The following RFX7 variants were observed in gnomAD, a reference collection of about 807,000 sequenced individuals.
RFX7 encodes DNA-binding protein RFX7.
RFX7 carries 26 observed loss-of-function variants against 111.8 expected under a neutral mutation model. The ratio of observed to expected loss-of-function variants is 0.23; its 90% confidence interval spans 0.17 to 0.32. RFX7 has a LOEUF of 0.32. Ranked by LOEUF, RFX7 falls within the 10% of genes least tolerant of loss-of-function variation. The probability of loss-of-function intolerance (pLI) is 1.00; values close to 1 mark genes in which losing one functional copy is unlikely to be tolerated. For synonymous variants in RFX7, 624 were observed against 624.4 expected, an observed-to-expected ratio of 1.00 and a Z score of 0.01; for missense variants, 1,573 against 1,772.9, an observed-to-expected ratio of 0.89 and a Z score of 2.02.
chr15:56,112,379 C>CAAAAAAAAAAAAAAAAAAAAAAAA (rs71110374), intron 5 of RFX7, among the ~76,000 whole-genome samples: 2 of 71,760 alleles, frequency 2.8e-5, no homozygotes, highest in Non-Finnish European at 5.1e-5. Context: ...GAGTACAAAT[C>CAAAAAAAAAAAAAAAAAAAAAAAA]AAAAAAAAAA....
intron 5 of RFX7, among the ~76,000 whole-genome samples, chr15:56,120,444 A>T (rs1011192086): frequency 7.2e-5 from 11 of 152,210 alleles, no homozygotes; most frequent in African/African-American, 2.7e-4. Flanking sequence ...ATAAAGACAG[A>T]TAATTTGACC....
At chr15:56,230,451 A>G (rs1443938151) in intron 2 of RFX7, among the ~76,000 whole-genome samples, 1 of 152,282 alleles carries the variant, frequency 6.6e-6, no homozygotes, top group Non-Finnish European at 1.5e-5. Context: ...TTTATTCTGT[A>G]AAGTGTAACA....
At chr15:56,168,383 T>C (rs1389228380) in intron 3 of RFX7, among the ~76,000 whole-genome samples, 1 of 152,242 alleles carries the variant, frequency 6.6e-6, no homozygotes, top group Non-Finnish European at 1.5e-5. Flanking sequence ...AAATATTTAC[T>C]GAGTGTCTTC....
chr15:56,184,736 G>T (rs1403220742), intron 2 of RFX7, among the ~76,000 whole-genome samples: 1 of 152,120 alleles, frequency 6.6e-6, no homozygotes, highest in African/African-American at 2.4e-5. Flanking sequence ...TGGTTCAAAC[G>T]TTATCTCCTT....
chr15:56,211,241 G>C (rs1428132811), intron 2 of RFX7, among the ~76,000 whole-genome samples: 1 of 152,122 alleles, frequency 6.6e-6, no homozygotes, highest in African/African-American at 2.4e-5. Flanking sequence ...CTTTTCAGAA[G>C]AGTCACAGAA....
At chr15:56,170,924 G>A (rs1196535123) in intron 3 of RFX7, among the ~76,000 whole-genome samples, 1 of 152,150 alleles carries the variant, frequency 6.6e-6, no homozygotes, top group Non-Finnish European at 1.5e-5. Context: ...TAAGGTCTGA[G>A]TATGAAGAAT....
intron 2 of RFX7, among the ~76,000 whole-genome samples, chr15:56,183,302 G>A (rs2042996772): frequency 6.6e-6 from 1 of 151,872 alleles, no homozygotes; most frequent in African/African-American, 2.4e-5. Flanking sequence ...TTTTGATCTA[G>A]TCAATTTTTT....
chr15:56,146,874 C>G (rs1448586176), intron 3 of RFX7, among the ~76,000 whole-genome samples: 1 of 152,148 alleles, frequency 6.6e-6, no homozygotes, highest in East Asian at 1.9e-4. Flanking sequence ...AAAAATGACT[C>G]AAGTGTATAG....
At chr15:56,137,076 C>CT (rs1223740469) in intron 5 of RFX7, among the ~76,000 whole-genome samples, 3 of 152,108 alleles carry the variant, frequency 2.0e-5, no homozygotes, top group Non-Finnish European at 4.4e-5. Context: ...GTCTAAAATT[C>CT]TTTTTTTGTT....
chr15:56,121,041 T>C (rs995064056), intron 5 of RFX7, among the ~76,000 whole-genome samples: 3 of 152,218 alleles, frequency 2.0e-5, no homozygotes, highest in African/African-American at 4.8e-5. Context: ...TACAGTGTTA[T>C]AATAGTCTGT....
At chr15:56,106,970 C>T (rs549109424) in intron 5 of RFX7, among the ~76,000 whole-genome samples, 5 of 152,112 alleles carry the variant, frequency 3.3e-5, no homozygotes, top group South Asian at 4.2e-4. Context: ...GGGTGAGGAA[C>T]GGAGAATGTT....
intron 2 of RFX7, among the ~76,000 whole-genome samples, chr15:56,207,144 C>A (rs2043262079): frequency 6.6e-6 from 1 of 151,940 alleles, no homozygotes; most frequent in Non-Finnish European, 1.5e-5. Flanking sequence ...ATTAAAATAA[C>A]TATGTCAAAT....
chr15:56,130,263 G>A (rs958637377), intron 5 of RFX7, among the ~76,000 whole-genome samples: 2 of 152,054 alleles, frequency 1.3e-5, no homozygotes, highest in Non-Finnish European at 2.9e-5. Flanking sequence ...GAAAGAGAAT[G>A]TCAAAATATT....
intron 2 of RFX7, among the ~76,000 whole-genome samples, chr15:56,242,753 T>C (rs1258473920): frequency 8.5e-5 from 13 of 152,244 alleles, no homozygotes; most frequent in Non-Finnish European, 1.9e-4. Context: ...TTCCTCCTTC[T>C]ATGGCTGCAA....
chr15:56,211,540 T>C (rs547909921), intron 2 of RFX7, among the ~76,000 whole-genome samples: 8 of 152,242 alleles, frequency 5.3e-5, no homozygotes, highest in South Asian at 4.1e-4. Flanking sequence ...AAAGAAAGCA[T>C]TGATGAGCTG....
intron 2 of RFX7, among the ~76,000 whole-genome samples, chr15:56,187,961 G>C (rs2043059327): frequency 6.6e-6 from 1 of 152,136 alleles, no homozygotes; most frequent in African/African-American, 2.4e-5. Flanking sequence ...AGAGTCAAGA[G>C]AAAAAGCAGC....
At chr15:56,142,334 AT>A (rs1462063349) in intron 5 of RFX7, among the ~76,000 whole-genome samples, 1 of 152,158 alleles carries the variant, frequency 6.6e-6, no homozygotes, top group African/African-American at 2.4e-5. Context: ...ATTCTTTGGT[AT>A]GGAGAAGAAT....
At chr15:56,210,106 A>C (rs1292640462) in intron 2 of RFX7, among the ~76,000 whole-genome samples, 1 of 152,056 alleles carries the variant, frequency 6.6e-6, no homozygotes, top group Non-Finnish European at 1.5e-5. Context: ...AAATACAAGG[A>C]TACATACAGA....
chr15:56,111,215 G>C (rs1351418091), intron 5 of RFX7, among the ~76,000 whole-genome samples: 6 of 147,184 alleles, frequency 4.1e-5, no homozygotes, highest in Non-Finnish European at 6.0e-5. Flanking sequence ...AGGGGGGAAA[G>C]GTGGGGAAAA....
Sources: gnomAD v4.1 joint callset for allele counts (sites outside exome capture counted in the v4.1 genomes callset) on GRCh38, gnomAD v4.1.1 for gene constraint, MANE v1.5 for transcripts, NCBI Gene and HGNC (gene_info 2026-07-23, HGNC 2026-07-21) for gene names.